The following PHLDB2 variants were observed in gnomAD, a reference collection of about 807,000 sequenced individuals.
The protein encoded by PHLDB2 is pleckstrin homology-like domain family B member 2.
A neutral mutation model predicts 123.6 loss-of-function variants in PHLDB2; 71 were observed. The observed-to-expected ratio is 0.57, with a 90% confidence interval of 0.47 to 0.70. PHLDB2 has a LOEUF of 0.70. Among genes scored for constraint, PHLDB2 ranks in the 30% least tolerant of loss-of-function variants. The pLI is 0.00. For synonymous variants in PHLDB2, 547 were observed against 541.6 expected (o/e 1.01, Z -0.14); for missense variants, 1,446 against 1,519.5 (o/e 0.95, Z 0.80).
intron 6 of PHLDB2, among the ~76,000 whole-genome samples, chr3:111,937,532 TC>T (rs771695869): frequency 1.3e-5 from 2 of 152,066 alleles, no homozygotes; most frequent in African/African-American, 4.8e-5. Flanking sequence ...GGTGAGTGGA[TC>T]CATGTGAGTA....
chr3:111,735,668 A>G (rs1168019677), intron 1 of PHLDB2, among the ~76,000 whole-genome samples: 3 of 152,210 alleles, frequency 2.0e-5, no homozygotes, highest in Non-Finnish European at 4.4e-5. Flanking sequence ...ACATGCCATC[A>G]TTTTCATTAA....
chr3:111,921,246 C>T (rs1577088290), intron 5 of PHLDB2, among the ~76,000 whole-genome samples: 1 of 152,130 alleles, frequency 6.6e-6, no homozygotes, highest in African/African-American at 2.4e-5. Context: ...TCCAATAAAA[C>T]TGAAAATAAA....
chr3:111,742,762 A>C (rs947013864), intron 1 of PHLDB2, among the ~76,000 whole-genome samples: 10 of 152,228 alleles, frequency 6.6e-5, no homozygotes, highest in Non-Finnish European at 1.3e-4. Flanking sequence ...GTAGTGCTGC[A>C]ATAAACATAC....
chr3:111,887,321 G>A (rs140571755), intron 2 of PHLDB2, among the ~76,000 whole-genome samples: 146 of 152,218 alleles, frequency 9.6e-4, no homozygotes, highest in African/African-American at 2.6e-3. Context: ...AATAGTGGGC[G>A]TATCGTATTT....
intron 1 of PHLDB2, among the ~76,000 whole-genome samples, chr3:111,806,697 G>T (rs542217366): frequency 6.6e-6 from 1 of 152,116 alleles, no homozygotes; most frequent in South Asian, 2.1e-4. Flanking sequence ...CACTGGCCAG[G>T]CTGGTCTTGA....
chr3:111,879,696 A>G (rs535834054), intron 1 of PHLDB2, among the ~76,000 whole-genome samples: 192 of 152,246 alleles, frequency 1.3e-3, no homozygotes, highest in African/African-American at 4.5e-3. Context: ...ATGTTTTTTT[A>G]TGGGACCAAT....
intron 1 of PHLDB2, among the ~76,000 whole-genome samples, chr3:111,809,032 C>G (rs934932775): frequency 2.6e-5 from 4 of 152,158 alleles, no homozygotes; most frequent in Admixed American, 2.0e-4. Context: ...ATGGCTTAAT[C>G]TATACTTTCC....
In PHLDB2 at chr3:111,884,395, A is replaced by ACCT. The variant is rs757982110; in HGVS notation, c.321_323dup (p.Pro108dup). 6.2e-6 allele frequency: 10 copies of ACCT among 1,613,988 alleles called. No homozygotes were observed. The highest frequency in any genetic ancestry group is 8.5e-6 in the Non-Finnish European group (10 of 1,179,992). ...GAACTGACAAAAATATTCCTATGAA[A>ACCT]CCTCCAACTCCTTTACTCAACACTA... On this transcript the variant is annotated inframe_insertion, in exon 2 of 18. Coordinates refer to ENST00000431670, the MANE Select transcript of PHLDB2 (RefSeq NM_001134438.2).
intron 17 of PHLDB2, among the ~76,000 whole-genome samples, chr3:111,974,143 C>A (rs1463585847): frequency 6.6e-6 from 1 of 152,180 alleles, no homozygotes; most frequent in Non-Finnish European, 1.5e-5. Context: ...ATAACAGCTA[C>A]TATTTATTAA....
At chr3:111,777,343 C>A (rs1167462097) in intron 1 of PHLDB2, among the ~76,000 whole-genome samples, 2 of 152,048 alleles carry the variant, frequency 1.3e-5, no homozygotes, top group Non-Finnish European at 2.9e-5. Flanking sequence ...AAGGATTATG[C>A]TTCTTTCTCC....
intron 2 of PHLDB2, among the ~76,000 whole-genome samples, chr3:111,905,775 C>T (rs1009421999): frequency 1.8e-4 from 27 of 152,082 alleles, no homozygotes; most frequent in African/African-American, 6.0e-4. Context: ...TAATATGTTG[C>T]AACATATTAT....
intron 12 of PHLDB2, chr3:111,957,170 G>A (rs1021151526): frequency 1.3e-5 from 2 of 152,604 alleles, no homozygotes; most frequent in African/African-American, 4.8e-5. Flanking sequence ...AACAACTTGT[G>A]AACTATTCCT....
At chr3:111,756,174 T>G (rs2059885416) in intron 1 of PHLDB2, among the ~76,000 whole-genome samples, 2 of 152,140 alleles carry the variant, frequency 1.3e-5, no homozygotes, top group Non-Finnish European at 2.9e-5. Flanking sequence ...TTAGGTCCGC[T>G]TGGTGCAGAG....
At chr3:111,770,673 TACTC>T (rs369899146) in intron 1 of PHLDB2, among the ~76,000 whole-genome samples, 5 of 148,776 alleles carry the variant, frequency 3.4e-5, no homozygotes, top group Non-Finnish European at 2.9e-5. Context: ...TGGAAAAACT[TACTC>T]AGAGATATGA....
intron 1 of PHLDB2, among the ~76,000 whole-genome samples, chr3:111,733,015 T>C (rs967586321): frequency 6.6e-6 from 1 of 152,242 alleles, no homozygotes; most frequent in African/African-American, 2.4e-5. Context: ...TGGTGGTAAC[T>C]CCACAAGCAT....
chr3:111,843,514 C>T (rs1456822813), intron 1 of PHLDB2, among the ~76,000 whole-genome samples: 1 of 152,216 alleles, frequency 6.6e-6, no homozygotes, highest in African/African-American at 2.4e-5. Context: ...CCTCAACCTC[C>T]AAGTAGCTGG....
upstream of PHLDB2, among the ~76,000 whole-genome samples, chr3:111,858,307 G>T (rs1385985278): frequency 1.3e-5 from 2 of 152,012 alleles, no homozygotes; most frequent in Non-Finnish European, 2.9e-5. Flanking sequence ...CTGTTGGGGG[G>T]TGGGGGACAA....
At chr3:111,868,496 G>A (rs527716694) in intron 1 of PHLDB2, among the ~76,000 whole-genome samples, 10 of 151,308 alleles carry the variant, frequency 6.6e-5, no homozygotes, top group African/African-American at 1.9e-4. Flanking sequence ...CCACCCCTGG[G>A]GACTTTCCCA....
At chr3:111,812,251 T>G (rs1273309990) in intron 1 of PHLDB2, among the ~76,000 whole-genome samples, 3 of 152,228 alleles carry the variant, frequency 2.0e-5, no homozygotes, top group Non-Finnish European at 2.9e-5. Flanking sequence ...GATCACCATT[T>G]GTTTTCAGTT....
Sources: gnomAD v4.1 joint callset for allele counts (sites outside exome capture counted in the v4.1 genomes callset) on GRCh38, gnomAD v4.1.1 for gene constraint, MANE v1.5 for transcripts, NCBI Gene and HGNC (gene_info 2026-07-23, HGNC 2026-07-21) for gene names.